KIFC3: variants seen among roughly 807,000 people sequenced by gnomAD.
KIFC3 encodes kinesin family member C3.
Under a neutral mutation model 101.8 loss-of-function variants are expected in KIFC3, and 60 were observed. That is an observed-to-expected ratio of 0.59 (90% CI 0.48 to 0.73). KIFC3 has a LOEUF of 0.73. KIFC3 is among the 30% of genes least tolerant of loss of function. The pLI is 0.00. For missense variants in KIFC3, 966 were observed against 1,137.1 expected (o/e 0.85, Z 2.16); for synonymous variants, 476 against 482.7 (o/e 0.99, Z 0.18).
At chr16:57,794,961 G>C in intron 3 of KIFC3, 38 bp downstream of exon 3, 2 of 1,505,438 alleles carry the variant, frequency 1.3e-6, no homozygotes, top group Non-Finnish European at 1.8e-6. Flanking sequence ...AGCTCAGAGA[G>C]CCAAGGCACA....
Position 57,769,580 on chromosome 16 carries a change from A to C in KIFC3, c.1218+15T>G, listed in dbSNP as rs781994448. 8 of 1,604,752 alleles carry C rather than the reference A, an allele frequency of 5.0e-6. No homozygotes were observed. In the Admixed American group the frequency reaches 1.3e-4, roughly 27 times the overall value. On this transcript the variant is annotated intron_variant, in intron 9 of 19. Transcript: ENST00000445690. The surrounding 1 kb of genome is among the most constrained non-coding windows in gnomAD (Gnocchi z 4.3). Reference sequence around the variant, plus strand: ...CCCCTTAGCCTGGACCCTCCCACCCACTGCCCTCGCTCACCTCGGCCTTGA... The same window carrying C: ...CCCCTTAGCCTGGACCCTCCCACCCCCTGCCCTCGCTCACCTCGGCCTTGA...
intron 1 of KIFC3, chr16:57,810,808 A>G: frequency 2.0e-6 from 1 of 511,782 alleles, no homozygotes; most frequent in Non-Finnish European, 2.5e-6. Context: ...TTCCCATTGT[A>G]CAGATGGAGA....
At chr16:57,790,823 A>T in intron 3 of KIFC3, 1 of 704,522 alleles carries the variant, frequency 1.4e-6, no homozygotes, top group Non-Finnish European at 1.7e-6. Context: ...AATACAGATA[A>T]TTGAAAAGAC....
At chr16:57,852,889 C>T (rs1270249791) in intron 1 of KIFC3, among the ~76,000 whole-genome samples, 2 of 152,064 alleles carry the variant, frequency 1.3e-5, no homozygotes, top group East Asian at 3.8e-4. Context: ...ATTGTAATTC[C>T]TAGAGCAATT....
intron 1 of KIFC3, among the ~76,000 whole-genome samples, chr16:57,799,057 T>C (rs1170941576): frequency 6.6e-6 from 1 of 152,128 alleles, no homozygotes; most frequent in Non-Finnish European, 1.5e-5. Flanking sequence ...AGCAGGCTAC[T>C]GGAGGCGGCA....
At chr16:57,781,259 G>T (rs1555614471) in intron 3 of KIFC3, among the ~76,000 whole-genome samples, 2 of 152,184 alleles carry the variant, frequency 1.3e-5, no homozygotes, top group Non-Finnish European at 2.9e-5. Context: ...GGGCTACAGT[G>T]AGCTGTGATC....
intron 6 of KIFC3, 144 bp from the exon 7 acceptor site, chr16:57,770,844 C>T: frequency 1.3e-6 from 1 of 748,364 alleles, no homozygotes; most frequent in Non-Finnish European, 2.0e-6. Flanking sequence ...CCTTGAGGTC[C>T]TGGCTTTCCA....
At chr16:57,820,586 A>G (rs1195715092) in intron 1 of KIFC3, among the ~76,000 whole-genome samples, 16 of 152,148 alleles carry the variant, frequency 1.1e-4, no homozygotes, top group South Asian at 2.1e-4. Flanking sequence ...GCCCAGAGTG[A>G]TCTTAGAGTT....
Position 57,794,793 on chromosome 16 carries a change from GCTC to G in KIFC3, c.315+203_315+205del, listed in dbSNP as rs149786284. 2.7e-3 allele frequency among the ~76,000 whole-genome samples: 406 copies of G among 152,268 alleles called. 2 individuals are homozygous for G. The highest frequency in any genetic ancestry group is 9.4e-3 in the African/African-American group (391 of 41,560). Reference sequence around the variant, plus strand: ...ACCTCAGCCAGGGCATGGCTGAAAAGCTCCTGTCAGCTCCTATGAGATTTCCCG... The same window carrying G: ...ACCTCAGCCAGGGCATGGCTGAAAAGCTGTCAGCTCCTATGAGATTTCCCG... On this transcript the variant is annotated intron_variant, in intron 3 of 19. Coordinates refer to ENST00000445690, the MANE Select transcript of KIFC3 (RefSeq NM_001130100.2).
chr16:57,802,744 C>G (rs1449972081), upstream of KIFC3: 4 of 742,838 alleles, frequency 5.4e-6, no homozygotes, highest in South Asian at 6.9e-5. The surrounding 1 kb of genome is among the most constrained non-coding windows in gnomAD (Gnocchi z 5.0). Flanking sequence ...CGTGCTCATG[C>G]GTTCCCTGAA....
rs2049476515 is a variant in KIFC3, at chr16:57,759,051, A to T, written c.*24+74T>A. On this transcript the variant is annotated intron_variant, in intron 19 of 19. Transcript: ENST00000445690. ...GCTAGACCCAGCTCTGAACAGCAGA[A>T]CGTCCCAGCGCAGCCCTGCAACCCA... 2.6e-6 allele frequency: 4 copies of T among 1,538,716 alleles called. No individual in the cohort carries two copies. In the African/African-American group the frequency reaches 5.5e-5, roughly 21 times the overall value.
chr16:57,831,120 G>T (rs981846173), intron 1 of KIFC3, among the ~76,000 whole-genome samples: 20 of 152,200 alleles, frequency 1.3e-4, no homozygotes, highest in African/African-American at 4.8e-4. Context: ...TAGAACAAAG[G>T]TCTAAGTAAT....
Position 57,823,147 on chromosome 16 carries a change from C to T in KIFC3, c.109-24865G>A, listed in dbSNP as rs189823024. 1.5e-3 allele frequency among the ~76,000 whole-genome samples: 225 copies of T among 152,290 alleles called. 1 individual carries two copies. The highest frequency in any genetic ancestry group is 5.1e-3 in the African/African-American group (213 of 41,548). On this transcript the variant is annotated intron_variant, in intron 1 of 2. Transcript: ENST00000563028. ...CCTTAAGTCTGATAAGAAACATTTA[C>T]AATCTATTCTTCATCTGCATGATAA...
intron 1 of KIFC3, among the ~76,000 whole-genome samples, chr16:57,842,157 G>A (rs2055828123): frequency 6.6e-6 from 1 of 151,804 alleles, no homozygotes; most frequent in African/African-American, 2.4e-5. Context: ...CTGAGATCGT[G>A]CCACTGCACT....
At chr16:57,860,042 T>C (rs1312769228) in intron 1 of KIFC3, among the ~76,000 whole-genome samples, 12 of 127,998 alleles carry the variant, frequency 9.4e-5, no homozygotes, top group Non-Finnish European at 1.7e-4. Context: ...TAAAATAAAA[T>C]AAAATAAAAT....
intron 1 of KIFC3, among the ~76,000 whole-genome samples, chr16:57,852,285 C>T (rs2149329415): frequency 6.6e-6 from 1 of 152,206 alleles, no homozygotes; most frequent in Admixed American, 6.5e-5. Context: ...TTGGAGCACT[C>T]ATTGGAGGGT....
At chr16:57,840,199 G>A (rs1297021829) in intron 1 of KIFC3, among the ~76,000 whole-genome samples, 3 of 152,040 alleles carry the variant, frequency 2.0e-5, no homozygotes, top group Non-Finnish European at 2.9e-5. Context: ...TTAACCAGGC[G>A]TGGTGGCGCG....
intron 3 of KIFC3, among the ~76,000 whole-genome samples, chr16:57,779,725 A>G (rs1273441944): frequency 2.0e-5 from 3 of 152,116 alleles, no homozygotes; most frequent in Non-Finnish European, 2.9e-5. Flanking sequence ...GAGACAGGAG[A>G]ATCACTTGAA....
chr16:57,817,821 G>T (rs1415573442), intron 1 of KIFC3, among the ~76,000 whole-genome samples: 1 of 152,128 alleles, frequency 6.6e-6, no homozygotes. Context: ...GACTGATATT[G>T]CTTTTATCCT....
Sources: gnomAD v4.1 joint callset for allele counts (sites outside exome capture counted in the v4.1 genomes callset) on GRCh38, gnomAD v4.1.1 for gene constraint, Gnocchi (gnomAD v3.1) non-coding constraint, MANE v1.5 for transcripts, NCBI Gene and HGNC (gene_info 2026-07-23, HGNC 2026-07-21) for gene names.